Variants in PCDH15 observed in about 807,000 individuals in gnomAD.
The protein encoded by PCDH15 is protocadherin related 15.
A neutral mutation model predicts 178.5 loss-of-function variants in PCDH15; 129 were observed. The ratio of observed to expected loss-of-function variants is 0.72; its 90% CI spans 0.63 to 0.84. PCDH15 has a LOEUF of 0.84. Ranked by LOEUF, PCDH15 falls within the 40% of genes least tolerant of loss-of-function variation. The pLI, the probability that PCDH15 is intolerant of heterozygous loss-of-function variation, is 0.00. For synonymous variants in PCDH15, 800 were observed against 732.0 expected (o/e 1.09, Z -1.50); for missense variants, 2,230 against 2,099.9 (o/e 1.06, Z -1.21).
chr10:54,209,356 G>A (rs975932477), intron 10 of PCDH15, among the ~76,000 whole-genome samples: 6 of 152,048 alleles, frequency 3.9e-5, no homozygotes, highest in Non-Finnish European at 8.8e-5. Context: ...GAGACTGCTT[G>A]TGTAAGATCA....
At chr10:54,812,076 A>T (rs1052245501) in intron 3 of PCDH15, among the ~76,000 whole-genome samples, 1 of 152,164 alleles carries the variant, frequency 6.6e-6, no homozygotes, top group African/African-American at 2.4e-5. Flanking sequence ...AAGCTAAGTA[A>T]TAAAGTAACA....
At chr10:55,111,694 T>C (rs538996261) in intron 2 of PCDH15, among the ~76,000 whole-genome samples, 29 of 151,996 alleles carry the variant, frequency 1.9e-4, no homozygotes, top group African/African-American at 7.0e-4. Context: ...AAATACAAAA[T>C]TAGCCAGGCG....
At chr10:54,140,128 CAT>C (rs1305244253) in intron 14 of PCDH15, among the ~76,000 whole-genome samples, 1 of 151,974 alleles carries the variant, frequency 6.6e-6, no homozygotes. Context: ...TAGCATTGTT[CAT>C]AGTTAAAGCT....
chr10:55,217,729 G>GA lies in PCDH15; in HGVS notation c.-155-51079dup, dbSNP rs967399963. On this transcript the variant is annotated intron_variant, in intron 1 of 5. Coordinates refer to the PCDH15 transcript ENST00000458638. Reference sequence around the variant, plus strand: ...GATACTTCTGTTAAATGACACAAAAGAAAAAAAAACTGCTAGCCATCACAT... The same window carrying GA: ...GATACTTCTGTTAAATGACACAAAAGAAAAAAAAAACTGCTAGCCATCACAT... Among the ~76,000 whole-genome samples, 93 of 149,552 alleles carry GA rather than the reference G, an allele frequency of 6.2e-4. 1 individual carries two copies. The highest frequency in any genetic ancestry group is 1.9e-3 in the African/African-American group (78 of 40,842).
chr10:55,407,301 GAA>G (rs757709143), intron 2 of PCDH15, among the ~76,000 whole-genome samples: 13 of 152,118 alleles, frequency 8.5e-5, no homozygotes, highest in Non-Finnish European at 1.6e-4. Flanking sequence ...TGATGTACAA[GAA>G]AAAGAGTAGG....
intron 2 of PCDH15, among the ~76,000 whole-genome samples, chr10:55,375,517 A>C (rs1837375358): frequency 6.6e-6 from 1 of 152,094 alleles, no homozygotes; most frequent in East Asian, 1.9e-4. Context: ...TAATTGCCAA[A>C]ACTTCTAAAG....
At chr10:54,251,664 A>C (rs1211540786) in intron 8 of PCDH15, among the ~76,000 whole-genome samples, 1 of 152,168 alleles carries the variant, frequency 6.6e-6, no homozygotes, top group East Asian at 1.9e-4. Context: ...CTTTACCAAG[A>C]GGTTTGTTTA....
intron 1 of PCDH15, among the ~76,000 whole-genome samples, chr10:55,302,593 G>C (rs1843314003): frequency 1.3e-5 from 2 of 151,990 alleles, no homozygotes; most frequent in South Asian, 4.1e-4. Context: ...GGCTTCAAGT[G>C]GTTGGATAAA....
At chr10:55,392,884 T>C (rs913557970) in intron 2 of PCDH15, among the ~76,000 whole-genome samples, 10 of 152,094 alleles carry the variant, frequency 6.6e-5, no homozygotes, top group South Asian at 6.2e-4. Context: ...TTTTAATGTA[T>C]TAGCTCATTT....
At chr10:54,558,962 A>C (rs1245815298) in intron 2 of PCDH15, among the ~76,000 whole-genome samples, 1 of 152,108 alleles carries the variant, frequency 6.6e-6, no homozygotes, top group African/African-American at 2.4e-5. Context: ...AATAAGATAC[A>C]GAGATAAGGT....
rs1564534139 is a variant in PCDH15, at chr10:53,822,436, GAGC to G, written c.4368-2209_4368-2207del. ...GAAATGTCAGGAGGAGGAGCAAGAGGAGCAGGAGCAGGAGGAGGAGAAGGAGGA... is the reference window on the plus strand; with the variant it reads ...GAAATGTCAGGAGGAGGAGCAAGAGGAGGAGCAGGAGGAGGAGAAGGAGGA... On this transcript the variant is annotated intron_variant, in intron 32 of 37. Transcript: ENST00000644397. The G allele has an allele frequency of 1.9e-6, 3 of 1,588,558 alleles. No individual in the cohort carries two copies. In the Admixed American group the frequency reaches 5.3e-5, roughly 28 times the overall value.
chr10:54,170,182 A>G (rs930474402), intron 13 of PCDH15, among the ~76,000 whole-genome samples: 7 of 149,312 alleles, frequency 4.7e-5, no homozygotes, highest in African/African-American at 1.5e-4. Context: ...TCTGTTACCT[A>G]TCTCAGCATA....
rs562034057 is a variant in PCDH15 at position 55,313,097 on chromosome 10, C to T, written c.-156+6502G>A. On this transcript the variant is annotated intron_variant, in intron 1 of 5. Coordinates refer to the PCDH15 transcript ENST00000458638. ...CTTAGGAGTTCCTGTCCCCATAGAA[C>T]TTCTATTTTAGAAAGAAGCCATAGT... 2.0e-5 allele frequency among the ~76,000 whole-genome samples: 3 copies of T among 152,200 alleles called. No homozygotes were observed. In the East Asian group the frequency reaches 5.8e-4, roughly 29 times the overall value.
At chr10:54,105,814 A>G (rs1341728237) in intron 15 of PCDH15, among the ~76,000 whole-genome samples, 2 of 152,204 alleles carry the variant, frequency 1.3e-5, no homozygotes, top group Non-Finnish European at 2.9e-5. Flanking sequence ...ATGAAAACTT[A>G]TGTTCACACA....
chr10:55,046,036 CTTG>C (rs745694359), intron 2 of PCDH15, among the ~76,000 whole-genome samples: 1 of 152,004 alleles, frequency 6.6e-6, no homozygotes, highest in Non-Finnish European at 1.5e-5. Flanking sequence ...TAGTGAAATT[CTTG>C]TTGACAAATT....
intron 25 of PCDH15, among the ~76,000 whole-genome samples, chr10:53,924,265 C>T (rs537979711): frequency 4.6e-5 from 7 of 152,326 alleles, no homozygotes; most frequent in South Asian, 2.1e-4. Context: ...TGGTGGACTC[C>T]GCACTCAGAG....
chr10:54,376,521 G>A (rs1024148365), intron 4 of PCDH15, among the ~76,000 whole-genome samples: 8 of 150,926 alleles, frequency 5.3e-5, no homozygotes, highest in African/African-American at 1.9e-4. Flanking sequence ...TATAAAAAGT[G>A]TGCACTCACT....
chr10:53,991,188 G>T (rs554115619), intron 21 of PCDH15, among the ~76,000 whole-genome samples: 1 of 152,178 alleles, frequency 6.6e-6, no homozygotes, highest in Non-Finnish European at 1.5e-5. Context: ...CAAGGGCTGA[G>T]GAGAGCGGGC....
At position 53,823,307 on chromosome 10, in the gene PCDH15, T is replaced by TGAGACTGAGTTATTTC. The variant is rs1326692199; in HGVS notation, c.4368-3093_4368-3078dup. The TGAGACTGAGTTATTTC allele has an allele frequency of 7.4e-6, 12 of 1,613,842 alleles. No individual in the cohort carries two copies. The highest frequency in any genetic ancestry group is 1.0e-5 in the Non-Finnish European group (12 of 1,179,906). On this transcript the variant is annotated intron_variant, in intron 32 of 37. Transcript: ENST00000644397. ...CAACTTGTTGATGTTTCCTGTCTTC[T>TGAGACTGAGTTATTTC]GAGACTGAGTTATTTCCCCTGCTTT...
Sources: allele counts gnomAD v4.1 joint callset (sites outside exome capture counted in the v4.1 genomes callset), GRCh38; gene constraint gnomAD v4.1.1; transcripts MANE v1.5; gene names NCBI Gene and HGNC (gene_info 2026-07-23, HGNC 2026-07-21).